Variants in GPR137B observed in about 807,000 individuals in gnomAD.
The protein encoded by GPR137B is G protein-coupled receptor 137B.
A neutral mutation model predicts 42.5 loss-of-function variants in GPR137B; 42 were observed. The observed-to-expected ratio is 0.99, with a 90% CI of 0.77 to 1.28. The LOEUF (loss-of-function observed/expected upper bound fraction) is 1.28. Among genes scored for constraint, GPR137B ranks in the 50% most tolerant of loss-of-function variants. The pLI, the probability that GPR137B is intolerant of heterozygous loss-of-function variation, is 0.00. For missense variants in GPR137B, 487 were observed against 493.9 expected, an observed-to-expected ratio of 0.99 and a Z score of 0.13; for synonymous variants, 218 against 209.7, an observed-to-expected ratio of 1.04 and a Z score of -0.34.
Position 236,208,102 on chromosome 1 carries a change from C to G in GPR137B, c.1144C>G (p.Gln382Glu), listed in dbSNP as rs561603127. ...WGQQTNSFLA[Q>E]AGTLQDSTLD... is the part of the protein sequence containing the mutation. Reference sequence around the variant, plus strand: ...ACAACAAACTAACAGCTTCCTGGCACAAGCAGGAACTTTGCAAGACTCAAC... The same window carrying G: ...ACAACAAACTAACAGCTTCCTGGCAGAAGCAGGAACTTTGCAAGACTCAAC... Residue 382 changes from glutamine (Q) to glutamate (E), a missense_variant, in exon 7 of 7, where the codon CAA becomes GAA. Transcript: ENST00000366592. The G allele has an allele frequency of 1.9e-6, 3 of 1,612,538 alleles. No individual in the cohort carries two copies. The highest frequency in any genetic ancestry group is 4.5e-5 in the East Asian group (2 of 44,856).
At chr1:236,189,778 T>C (rs1663135456) in intron 5 of GPR137B, among the ~76,000 whole-genome samples, 1 of 152,226 alleles carries the variant, frequency 6.6e-6, no homozygotes, top group Admixed American at 6.5e-5. Flanking sequence ...CTGAGAAGAA[T>C]GTATACTCTG....
At position 236,155,173 on chromosome 1, in the gene GPR137B, G is replaced by A. The variant is rs530965273; in HGVS notation, c.414+12137G>A. On this transcript the variant is annotated intron_variant, in intron 1 of 6. Coordinates refer to ENST00000366592, the MANE Select transcript of GPR137B (RefSeq NM_003272.4). This position sits in a 1 kb window ranked among gnomAD's most constrained non-coding sequence, Gnocchi z 4.6. Reference sequence around the variant, plus strand: ...AGTGGGCAGGCGGGCAGGTCCGTGCGCTTCTGTGGCTGAAGCGGCCGGGCC... The same window carrying A: ...AGTGGGCAGGCGGGCAGGTCCGTGCACTTCTGTGGCTGAAGCGGCCGGGCC... Among the ~76,000 whole-genome samples, 83 of 152,362 alleles carry A rather than the reference G, an allele frequency of 5.4e-4. No homozygotes were observed. Among genetic ancestry groups the A allele is most frequent in the Non-Finnish European group, 8.8e-4 (60 of 68,026 alleles).
Position 236,181,893 on chromosome 1 carries a change from A to ATTTTAACCTTTTTTTTTT in GPR137B, c.837+1869_837+1870insAACCTTTTTTTTTTTTTT, listed in dbSNP as rs10680855. On this transcript the variant is annotated intron_variant, in intron 4 of 6. Coordinates refer to ENST00000366592, the MANE Select transcript of GPR137B (RefSeq NM_003272.4). ...TAGTAAAATACACATAATATTTGCT[A>ATTTTAACCTTTTTTTTTT]TTTTTTTTTTTTTTTTTTGAGACGG... Among the ~76,000 whole-genome samples the ATTTTAACCTTTTTTTTTT allele has an allele frequency of 4.9e-5, 6 of 121,506 alleles. 1 individual carries two copies. The highest frequency in any genetic ancestry group is 2.7e-4 in the East Asian group (1 of 3,724). 79.7% of individuals were successfully genotyped at this position (121,506 alleles called of 152,430 possible).
chr1:236,163,237 C>T (rs113271151), intron 1 of GPR137B, among the ~76,000 whole-genome samples: 1,722 of 152,304 alleles, frequency 0.011, 42 homozygotes, highest in African/African-American at 0.039. Context: ...CTTTCTCCCA[C>T]TTGGAACGGC....
chr1:236,170,997 GAT>G (rs1553363252), intron 2 of GPR137B, among the ~76,000 whole-genome samples: 2 of 149,172 alleles, frequency 1.3e-5, no homozygotes. Context: ...AAAGGAAAAA[GAT>G]ATTTTTGTAT....
chr1:236,175,469 C>T (rs1419568113), intron 2 of GPR137B, among the ~76,000 whole-genome samples: 1 of 152,200 alleles, frequency 6.6e-6, no homozygotes, highest in Non-Finnish European at 1.5e-5. Flanking sequence ...ACAGTGCGTT[C>T]CCCAGAGGCT....
chr1:236,171,278 G>A lies in GPR137B; in HGVS notation c.464+2523G>A, dbSNP rs1662528613. 1.3e-5 allele frequency among the ~76,000 whole-genome samples: 2 copies of A among 152,144 alleles called. No homozygotes were observed. The highest frequency in any genetic ancestry group is 4.8e-5 in the African/African-American group (2 of 41,414). ...GATTTTGAATTTTTGGGTTAGGGAT[G>A]GTCAACCTGTATAAAGTACAAGTAG... On this transcript the variant is annotated intron_variant, in intron 2 of 6. Transcript: ENST00000366592. The surrounding 1 kb of genome is among the most constrained non-coding windows in gnomAD (Gnocchi z 4.4).
chr1:236,151,450 A>G (rs1661861503), intron 1 of GPR137B, among the ~76,000 whole-genome samples: 1 of 121,814 alleles, frequency 8.2e-6, no homozygotes, highest in African/African-American at 3.3e-5. Flanking sequence ...TTTGAGACAG[A>G]GTCTTGCTCT....
chr1:236,169,320 TG>T (rs1428673415), intron 2 of GPR137B, among the ~76,000 whole-genome samples: 3 of 152,204 alleles, frequency 2.0e-5, no homozygotes, highest in East Asian at 1.9e-4. Context: ...TCTCAGCTGC[TG>T]GTAGGCTCCG....
intron 5 of GPR137B, among the ~76,000 whole-genome samples, chr1:236,203,230 A>T (rs879606379): frequency 2.0e-5 from 3 of 151,882 alleles, no homozygotes; most frequent in African/African-American, 7.3e-5. Flanking sequence ...GGCACCCCCC[A>T]TTTCGCCCGG....
At chr1:236,149,562 C>T (rs982210440) in intron 1 of GPR137B, among the ~76,000 whole-genome samples, 1 of 152,178 alleles carries the variant, frequency 6.6e-6, no homozygotes, top group Non-Finnish European at 1.5e-5. Context: ...TAAGGGGCTT[C>T]GGCTGTGGCT....
At chr1:236,169,204 G>A (rs148070037) in intron 2 of GPR137B, among the ~76,000 whole-genome samples, 17 of 138,980 alleles carry the variant, frequency 1.2e-4, no homozygotes, top group African/African-American at 5.4e-4. Context: ...AGGTGCAGGT[G>A]CAGGTGCAGG....
chr1:236,169,220 G>A (rs534107381), intron 2 of GPR137B, among the ~76,000 whole-genome samples: 1 of 141,328 alleles, frequency 7.1e-6, no homozygotes, highest in South Asian at 2.1e-4. Flanking sequence ...GCAGGTACAG[G>A]TACAGGTACA....
At position 236,142,902 on chromosome 1, in the gene GPR137B, G is replaced by T; in HGVS notation, c.280G>T (p.Val94Phe). 1.2e-6 allele frequency: 2 copies of T among 1,614,208 alleles called. No homozygotes were observed. Among genetic ancestry groups the T allele is most frequent in the South Asian group, 2.2e-5 (2 of 91,088 alleles). ...CCTCTTCTGGGCCTCCCTGCGGACCGTCCTCTTCTCCTTCTACTTCAAAGA... is the reference window on the plus strand; with the variant it reads ...CCTCTTCTGGGCCTCCCTGCGGACCTTCCTCTTCTCCTTCTACTTCAAAGA... ...LCLFWASLRT[V>F]LFSFYFKDFV... Residue 94 changes from valine to phenylalanine, a missense_variant, in exon 1 of 7, where the codon GTC becomes TTC. Transcript: ENST00000366592.
At position 236,150,436 on chromosome 1, in the gene GPR137B, G is replaced by T. The variant is rs567189641; in HGVS notation, c.414+7400G>T. On this transcript the variant is annotated intron_variant, in intron 1 of 6. Coordinates refer to ENST00000366592, the MANE Select transcript of GPR137B (RefSeq NM_003272.4). The surrounding 1 kb of genome is among the most constrained non-coding windows in gnomAD (Gnocchi z 6.2). ...TTCTAAACATACAGCCCAGTTTCCCGAGCCCTCTCCTCGAGCCATGGCAGC... is the reference window on the plus strand; with the variant it reads ...TTCTAAACATACAGCCCAGTTTCCCTAGCCCTCTCCTCGAGCCATGGCAGC... Among the ~76,000 whole-genome samples, 1 of 152,122 alleles carries T rather than the reference G, an allele frequency of 6.6e-6. No individual in the cohort carries two copies. Among genetic ancestry groups the T allele is most frequent in the African/African-American group, 2.4e-5 (1 of 41,420 alleles).
chr1:236,187,068 T>G (rs982705866), intron 5 of GPR137B, among the ~76,000 whole-genome samples: 1 of 152,222 alleles, frequency 6.6e-6, no homozygotes, highest in Admixed American at 6.5e-5. Flanking sequence ...GGTATCTCAT[T>G]GTAGTTTTGA....
At chr1:236,167,775 T>C (rs1168845463) in intron 1 of GPR137B, among the ~76,000 whole-genome samples, 1 of 152,142 alleles carries the variant, frequency 6.6e-6, no homozygotes, top group African/African-American at 2.4e-5. Flanking sequence ...CCTGAGCCCC[T>C]GCTTGAATCT....
rs1481325011 is a variant in GPR137B, at chr1:236,168,769, G to T, written c.464+14G>T. ...ACTCAAATACCGGTAAGTACTGCAG[G>T]GCATCTCTTTCTGTGGTAGAAGGGG... On this transcript the variant is annotated intron_variant, in intron 2 of 6. Transcript: ENST00000366592. 4 of 1,573,574 alleles carry T rather than the reference G, an allele frequency of 2.5e-6. No individual in the cohort carries two copies. The South Asian group carries it at 4.4e-5, about 17-fold the overall frequency.
chr1:236,193,887 T>G (rs1324576020), intron 5 of GPR137B, among the ~76,000 whole-genome samples: 2 of 152,208 alleles, frequency 1.3e-5, no homozygotes, highest in Admixed American at 6.5e-5. Flanking sequence ...TCCACTGTAT[T>G]TATCTTTTGT....
Sources: allele counts gnomAD v4.1 joint callset (sites outside exome capture counted in the v4.1 genomes callset), GRCh38; gene constraint gnomAD v4.1.1; non-coding constraint Gnocchi (gnomAD v3.1); transcripts MANE v1.5; gene names NCBI Gene and HGNC (gene_info 2026-07-23, HGNC 2026-07-21).